The following TMEM165 variants were observed in gnomAD, a reference collection of about 807,000 sequenced individuals.
The protein encoded by TMEM165 is putative divalent cation/proton antiporter TMEM165.
In TMEM165, 19 loss-of-function variants were observed where a neutral mutation model predicts 30.0. The observed-to-expected ratio is 0.63, with a 90% CI of 0.44 to 0.93. The LOEUF is 0.93. Among genes scored for constraint, TMEM165 ranks in the 40% least tolerant of loss-of-function variants. TMEM165 has a pLI of 0.00. For synonymous variants in TMEM165, 168 were observed against 162.9 expected, an observed-to-expected ratio of 1.03 and a Z score of -0.24; for missense variants, 340 against 417.0, an observed-to-expected ratio of 0.82 and a Z score of 1.61.
chr4:55,449,591 TTTGAA>T (rs1475461752), intron 3 of TMEM165: 1 of 1,060,460 alleles, frequency 9.4e-7, no homozygotes, highest in African/African-American at 1.6e-5. Context: ...AAAAATGGCT[TTTGAA>T]TTATTTTTCC....
chr4:55,421,297 CT>C (rs766025971), intron 4 of TMEM165, among the ~76,000 whole-genome samples: 4,370 of 105,868 alleles, frequency 0.041, 91 homozygotes, highest in African/African-American at 0.14. Flanking sequence ...TTCTTTCTTT[CT>C]TTTTTTTTTT....
At chr4:55,401,244 A>C (rs1433655084) in intron 1 of TMEM165, among the ~76,000 whole-genome samples, 1 of 150,806 alleles carries the variant, frequency 6.6e-6, no homozygotes, top group African/African-American at 2.5e-5. Flanking sequence ...TATGAACTTA[A>C]AATCAAGATT....
rs1339397021 is a variant in TMEM165 at position 55,396,372 on chromosome 4, G to A, written c.183G>A (p.Gln61=). Residue 61 remains glutamine, a synonymous_variant, in exon 1 of 6, where the codon CAG becomes CAA. Coordinates refer to ENST00000381334, the MANE Select transcript of TMEM165 (RefSeq NM_018475.5). Reference sequence around the variant, plus strand: ...TGCAGCCGCAGCCTGTGGCTGTGCAGGGCCCCGAGCCGGCCCGGGTCGAGG... The same window carrying A: ...TGCAGCCGCAGCCTGTGGCTGTGCAAGGCCCCGAGCCGGCCCGGGTCGAGG... The part of the protein sequence containing the change: ...QQLQPQPVAV[Q]GPEPARVEKI... The A allele has an allele frequency of 1.0e-5, 15 of 1,503,706 alleles. No individual in the cohort carries two copies. The highest frequency in any genetic ancestry group is 1.2e-5 in the South Asian group (1 of 80,298). 93.1% of individuals were successfully genotyped at this position (1,503,706 alleles called of 1,614,324 possible).
Position 55,396,055 on chromosome 4 carries a change from A to G in TMEM165, c.-135A>G, listed in dbSNP as rs1309008446. The G allele has an allele frequency of 4.8e-6, 3 of 626,034 alleles. No homozygotes were observed. Among genetic ancestry groups the G allele is most frequent in the Non-Finnish European group, 7.0e-6 (3 of 430,104 alleles). The allele number at this position is 626,034 out of a possible 1,614,324, so 38.8% of individuals were successfully genotyped here. On this transcript the variant is annotated 5_prime_UTR_variant, in exon 1 of 6. The change abolishes an upstream ATG in the 5' untranslated region. Transcript: ENST00000381334. The stretch of plus-strand genomic sequence containing the variant: ...CACTCCCGCTGCTTGCACCTCCCGG[A>G]TGGTGCTGACTGCTCCCTAAGCGGC...
chr4:55,430,430 G>A (rs1722423728), downstream of TMEM165: 1 of 152,140 alleles, frequency 6.6e-6, no homozygotes, highest in Admixed American at 6.5e-5. Context: ...TGGAAAGAAA[G>A]TATTTTAATT....
chr4:55,410,422 C>CT (rs1407604241), intron 1 of TMEM165, among the ~76,000 whole-genome samples: 1 of 151,500 alleles, frequency 6.6e-6, no homozygotes, highest in African/African-American at 2.4e-5. Flanking sequence ...ACTTTACCTT[C>CT]TTTTTTTTTG....
At chr4:55,437,835 ATTAAT>A in intron 3 of TMEM165, among the ~76,000 whole-genome samples, 1 of 152,330 alleles carries the variant, frequency 6.6e-6, no homozygotes, top group South Asian at 2.1e-4. Context: ...CTCCTCTGAT[ATTAAT>A]TTACAACTGA....
intron 3 of TMEM165, chr4:55,438,402 C>T (rs1723067707): frequency 1.2e-6 from 2 of 1,613,814 alleles, no homozygotes; most frequent in Admixed American, 3.3e-5. Context: ...ATGTCTGTGA[C>T]TGTTGCTGTT....
At chr4:55,405,677 C>G (rs1721239538) in intron 1 of TMEM165, among the ~76,000 whole-genome samples, 1 of 152,114 alleles carries the variant, frequency 6.6e-6, no homozygotes. Context: ...ATTTTTCTTT[C>G]CATTGTGTGC....
At position 55,402,212 on chromosome 4, in the gene TMEM165, CAAAA is replaced by C. The variant is rs975492422; in HGVS notation, c.207+5819_207+5822del. Among the ~76,000 whole-genome samples the C allele has an allele frequency of 9.2e-5, 13 of 141,100 alleles. 1 individual carries two copies. The highest frequency in any genetic ancestry group is 3.1e-4 in the African/African-American group (11 of 35,796). The allele number at this position is 141,100 out of a possible 152,430, so 92.6% of individuals were successfully genotyped here. A position where few individuals can be genotyped will look rare whatever the true frequency, so the allele number is the denominator to read the frequency against. ...TCATAAAAATAAACATTCATTAAAA[CAAAA>C]AATAATTTTATTACAAAATATTACA... is the stretch of plus-strand genomic sequence containing the variant. On this transcript the variant is annotated intron_variant, in intron 1 of 5. Transcript: ENST00000381334.
chr4:55,443,149 T>C (rs2109687395), intron 3 of TMEM165, among the ~76,000 whole-genome samples: 1 of 152,262 alleles, frequency 6.6e-6, no homozygotes, highest in East Asian at 1.9e-4. Flanking sequence ...TTGGTATAAC[T>C]ACTAGACTAC....
downstream of TMEM165, chr4:55,431,099 C>T (rs957208003): frequency 2.0e-5 from 3 of 152,088 alleles, no homozygotes; most frequent in Non-Finnish European, 4.4e-5. Flanking sequence ...TGAGTAATTG[C>T]AATAAAGTGC....
intron 2 of TMEM165, among the ~76,000 whole-genome samples, chr4:55,413,281 T>C (rs983938500): frequency 6.6e-6 from 1 of 152,064 alleles, no homozygotes; most frequent in Non-Finnish European, 1.5e-5. Context: ...CCCATCCTTT[T>C]ACCTTGTATT....
intron 3 of TMEM165, among the ~76,000 whole-genome samples, chr4:55,451,230 T>G (rs567899232): frequency 3.8e-4 from 58 of 152,304 alleles, no homozygotes; most frequent in Admixed American, 2.3e-3. Flanking sequence ...CTGTTCTTAT[T>G]GATCACCAAT....
chr4:55,436,009 G>A (rs956071086), intron 3 of TMEM165, among the ~76,000 whole-genome samples: 4 of 152,058 alleles, frequency 2.6e-5, no homozygotes, highest in Non-Finnish European at 4.4e-5. Context: ...TGGTTAGAGC[G>A]GCACAGTTAA....
At position 55,396,383 on chromosome 4, in the gene TMEM165, C is replaced by A; in HGVS notation, c.194C>A (p.Pro65Gln). The change falls in exon 1 of 6, where the codon CCG becomes CAG. Residue 65 changes from proline (P) to glutamine (Q), a missense_variant. Transcript: ENST00000381334. ...PQPVAVQGPE[P>Q]ARVEKIFTPA... ...CCTGTGGCTGTGCAGGGCCCCGAGCCGGCCCGGGTCGAGGTGAGCGGGCCG... is the reference window on the plus strand; with the variant it reads ...CCTGTGGCTGTGCAGGGCCCCGAGCAGGCCCGGGTCGAGGTGAGCGGGCCG... 6.7e-7 allele frequency: 1 copy of A among 1,489,786 alleles called. No individual in the cohort carries two copies. The highest frequency in any genetic ancestry group is 1.9e-4 in the Middle Eastern group (1 of 5,348). The allele number at this position is 1,489,786 out of a possible 1,614,324, so 92.3% of individuals were successfully genotyped here.
At chr4:55,424,268 G>A (rs969659765) in intron 4 of TMEM165, 1 of 445,214 alleles carries the variant, frequency 2.2e-6, no homozygotes. Flanking sequence ...ACTGCTGAAA[G>A]GTTCGATTAG....
chr4:55,440,912 T>C (rs1280427990), intron 3 of TMEM165, among the ~76,000 whole-genome samples: 3 of 152,222 alleles, frequency 2.0e-5, no homozygotes, highest in East Asian at 1.9e-4. Context: ...TTGGTGAAGC[T>C]TTCCTGACCA....
At position 55,403,495 on chromosome 4, in the gene TMEM165, TTTC is replaced by T. The variant is rs1311274001; in HGVS notation, c.207+7102_207+7104del. Among the ~76,000 whole-genome samples, 9 of 144,910 alleles carry T rather than the reference TTTC, an allele frequency of 6.2e-5. 1 individual carries two copies. The highest frequency in any genetic ancestry group is 1.4e-4 in the Admixed American group (2 of 14,632). On this transcript the variant is annotated intron_variant, in intron 1 of 5. Coordinates refer to ENST00000381334, the MANE Select transcript of TMEM165 (RefSeq NM_018475.5). ...TTCTAAATGAGGGTGCCTTTTTCTT[TTTC>T]TTTTTTTTTTTTTTACAATTTTTAC... is the stretch of plus-strand genomic sequence containing the variant.
Sources: gnomAD v4.1 joint callset for allele counts (sites outside exome capture counted in the v4.1 genomes callset) on GRCh38, gnomAD v4.1.1 for gene constraint, MANE v1.5 for transcripts, NCBI Gene and HGNC (gene_info 2026-07-23, HGNC 2026-07-21) for gene names.